The following AOPEP variants were observed in gnomAD, a reference collection of about 807,000 sequenced individuals.
AOPEP encodes the protein aminopeptidase O.
A neutral mutation model predicts 98.1 loss-of-function variants in AOPEP; 77 were observed. The ratio of observed to expected loss-of-function variants is 0.78; its 90% confidence interval spans 0.65 to 0.95. The LOEUF (loss-of-function observed/expected upper bound fraction) is 0.95. Among genes scored for constraint, AOPEP ranks in the 40% least tolerant of loss-of-function variants. The pLI is 0.00. For synonymous variants in AOPEP, 346 were observed against 365.3 expected (o/e 0.95, Z 0.60); for missense variants, 1,024 against 1,024.7 (o/e 1.00, Z 0.01).
At chr9:94,818,078 G>C (rs956834485) in intron 5 of AOPEP, among the ~76,000 whole-genome samples, 9 of 152,168 alleles carry the variant, frequency 5.9e-5, no homozygotes, top group Non-Finnish European at 1.3e-4. Context: ...CGCCCAAGAT[G>C]ATGGAGAGAG....
chr9:95,105,694 C>A, the AOPEP span, among the ~76,000 whole-genome samples: 3 of 152,220 alleles, frequency 2.0e-5, no homozygotes, highest in Non-Finnish European at 4.4e-5. Flanking sequence ...TCTCCCTGGA[C>A]TTGACTCTTC....
chr9:94,786,549 T>C (rs974394126), intron 3 of AOPEP, among the ~76,000 whole-genome samples: 3 of 152,218 alleles, frequency 2.0e-5, no homozygotes, highest in Admixed American at 2.0e-4. Context: ...TTTTGTAGGC[T>C]GATTGGAAGA....
chr9:94,753,448 C>T (rs1009929220), intron 1 of AOPEP, among the ~76,000 whole-genome samples: 6 of 151,998 alleles, frequency 3.9e-5, no homozygotes, highest in East Asian at 3.9e-4. Context: ...GAAGGTTATT[C>T]GAGATTGACT....
intron 1 of AOPEP, among the ~76,000 whole-genome samples, chr9:94,744,296 G>T (rs1833937154): frequency 6.6e-6 from 1 of 152,170 alleles, no homozygotes; most frequent in Non-Finnish European, 1.5e-5. Context: ...GGAGCCTGAG[G>T]CAGGAGAATG....
chr9:94,882,300 CTGT>C (rs1184612494), intron 5 of AOPEP, among the ~76,000 whole-genome samples: 10 of 152,152 alleles, frequency 6.6e-5, no homozygotes, highest in Admixed American at 6.5e-4. Flanking sequence ...TGTTCTTAGT[CTGT>C]TGTTTAAAAT....
At chr9:94,785,756 G>C (rs1259082806) in intron 3 of AOPEP, among the ~76,000 whole-genome samples, 3 of 152,216 alleles carry the variant, frequency 2.0e-5, no homozygotes, top group Non-Finnish European at 4.4e-5. Context: ...TTGTTTTGCA[G>C]CTGGTGTAGC....
At chr9:94,978,136 A>T (rs72750351) in intron 10 of AOPEP, among the ~76,000 whole-genome samples, 3,164 of 152,228 alleles carry the variant, frequency 0.021, 61 homozygotes, top group Admixed American at 0.054. Context: ...AGGGTCGCAG[A>T]GGGGTGCACT....
intron 7 of AOPEP, among the ~76,000 whole-genome samples, chr9:94,953,302 A>G (rs2058237647): frequency 1.3e-5 from 2 of 152,230 alleles, no homozygotes; most frequent in Non-Finnish European, 2.9e-5. Flanking sequence ...AAGTGTGGGC[A>G]TGTAGGTAAG....
At chr9:95,006,812 G>A (rs1434930156) in intron 13 of AOPEP, among the ~76,000 whole-genome samples, 1 of 152,052 alleles carries the variant, frequency 6.6e-6, no homozygotes, top group Admixed American at 6.6e-5. Context: ...AAATGTTTGT[G>A]AGGTGATGAA....
At chr9:95,070,045 GA>G (rs1248163900) in intron 14 of AOPEP, among the ~76,000 whole-genome samples, 1 of 152,234 alleles carries the variant, frequency 6.6e-6, no homozygotes, top group Non-Finnish European at 1.5e-5. Flanking sequence ...AGAAAAGAAT[GA>G]AAACACAAAT....
chr9:95,083,407 C>G (rs2070109448), intron 16 of AOPEP, among the ~76,000 whole-genome samples: 1 of 147,026 alleles, frequency 6.8e-6, no homozygotes, highest in African/African-American at 2.5e-5. Flanking sequence ...AGCGCACGCA[C>G]CACGCAGAGC....
At chr9:95,118,363 G>T in the AOPEP span, among the ~76,000 whole-genome samples, 2 of 152,226 alleles carry the variant, frequency 1.3e-5, no homozygotes, top group Non-Finnish European at 2.9e-5. Context: ...AACTGTGCTC[G>T]CATTTCGAGG....
At chr9:95,101,593 A>C in the AOPEP span, 1 of 1,301,326 alleles carries the variant, frequency 7.7e-7, no homozygotes, top group Non-Finnish European at 1.1e-6. Flanking sequence ...GCTCATTCTC[A>C]CAGCCCAGCG....
At chr9:94,959,129 C>T (rs1006190821) in intron 9 of AOPEP, among the ~76,000 whole-genome samples, 3 of 152,038 alleles carry the variant, frequency 2.0e-5, no homozygotes, top group Non-Finnish European at 4.4e-5. Flanking sequence ...CTGCAAGCTC[C>T]GCCTCCTGGG....
chr9:94,988,414 T>C (rs1317727169), intron 11 of AOPEP, among the ~76,000 whole-genome samples: 7 of 152,094 alleles, frequency 4.6e-5, no homozygotes, highest in Non-Finnish European at 7.3e-5. Context: ...GCTTTCTCAT[T>C]AGGGATAAAG....
intron 5 of AOPEP, among the ~76,000 whole-genome samples, chr9:94,857,615 A>T (rs2044381699): frequency 6.6e-6 from 1 of 151,948 alleles, no homozygotes; most frequent in South Asian, 2.1e-4. Flanking sequence ...ATTTCTACCT[A>T]TCTATCTTAT....
intron 13 of AOPEP, among the ~76,000 whole-genome samples, chr9:95,043,662 T>G (rs1339870312): frequency 6.7e-6 from 1 of 148,878 alleles, no homozygotes; most frequent in African/African-American, 2.5e-5. Flanking sequence ...TTTAGGTTTG[T>G]TTTGTTTTGT....
chr9:95,134,965 T>C, the AOPEP span, among the ~76,000 whole-genome samples: 1 of 152,274 alleles, frequency 6.6e-6, no homozygotes, highest in Non-Finnish European at 1.5e-5. Flanking sequence ...TTTCCTCTAG[T>C]GAAGAGCTAC....
chr9:94,737,225 C>T (rs561158769), intron 1 of AOPEP, among the ~76,000 whole-genome samples: 13 of 152,186 alleles, frequency 8.5e-5, no homozygotes, highest in Non-Finnish European at 1.5e-4. Flanking sequence ...TTGCCTCAGC[C>T]TCCTGAGTAG....
Sources: gnomAD v4.1 joint callset for allele counts (sites outside exome capture counted in the v4.1 genomes callset) on GRCh38, gnomAD v4.1.1 for gene constraint, MANE v1.5 for transcripts, NCBI Gene and HGNC (gene_info 2026-07-23, HGNC 2026-07-21) for gene names.